P2RX1: variants seen among roughly 807,000 people sequenced by gnomAD.
P2RX1 encodes P2X purinoceptor 1.
P2RX1 carries 42 observed loss-of-function variants against 50.3 expected under a neutral mutation model. That is an observed-to-expected ratio of 0.83 (90% CI 0.65 to 1.08). P2RX1 has a LOEUF of 1.08. Ranked by LOEUF, P2RX1 falls within the 50% of genes least tolerant of loss-of-function variation. P2RX1 has a pLI of 0.00. For synonymous variants in P2RX1, 199 were observed against 202.6 expected, an observed-to-expected ratio of 0.98 and a Z score of 0.15; for missense variants, 449 against 529.0, an observed-to-expected ratio of 0.85 and a Z score of 1.48.
rs2056192472 is a variant in P2RX1, at chr17:3,903,494, A to G, written c.605+57T>C. On this transcript the variant is annotated intron_variant, in intron 6 of 11. Transcript: ENST00000225538. The surrounding 1 kb of genome is among the most constrained non-coding windows in gnomAD (Gnocchi z 4.6). ...ATGGAGGGAGACAGAGACAGCTGAG[A>G]GCTGCCGGAGCGGCCCCGGCCAGCT... 1 of 1,595,594 alleles carries G rather than the reference A, an allele frequency of 6.3e-7. No homozygotes were observed. Among genetic ancestry groups the G allele is most frequent in the Non-Finnish European group, 8.6e-7 (1 of 1,164,114 alleles).
Position 3,903,463 on chromosome 17 carries a change from G to A in P2RX1, c.605+88C>T. 6.3e-7 allele frequency: 1 copy of A among 1,591,040 alleles called. No homozygotes were observed. The highest frequency in any genetic ancestry group is 8.6e-7 in the Non-Finnish European group (1 of 1,161,380). On this transcript the variant is annotated intron_variant, in intron 6 of 11. Coordinates refer to ENST00000225538, the MANE Select transcript of P2RX1 (RefSeq NM_002558.4). The surrounding 1 kb of genome is among the most constrained non-coding windows in gnomAD (Gnocchi z 4.6). ...TGCCCCTTTGATTCCTTCCACGCCA[G>A]CAGGAATGGAGGGAGACAGAGACAG... is the stretch of plus-strand genomic sequence containing the variant.
Position 3,904,374 on chromosome 17 carries a change from T to A in P2RX1, c.383A>T (p.Glu128Val). 6.2e-7 allele frequency: 1 copy of A among 1,614,010 alleles called. No homozygotes were observed. Among genetic ancestry groups the A allele is most frequent in the Non-Finnish European group, 8.5e-7 (1 of 1,179,958 alleles). ...AEHPEGGICK[E>V]DSGCTPGKAK... ...CTTCCCAGGGGTACAGCCACTGTCT[T>A]CCTTGCATATGCCCCCTTCTGGGTG... The change falls in exon 4 of 12, where the codon GAA becomes GTA. Residue 128 changes from glutamate to valine, a missense_variant. Physicochemically the swap from Glu to Val is moderately radical, Grantham distance 121. Transcript: ENST00000225538.
At position 3,899,675 on chromosome 17, in the gene P2RX1, C is replaced by T; in HGVS notation, c.834G>A (p.Gly278=). 1 of 1,613,958 alleles carries T rather than the reference C, an allele frequency of 6.2e-7. No individual in the cohort carries two copies. Among genetic ancestry groups the T allele is most frequent in the Non-Finnish European group, 8.5e-7 (1 of 1,179,902 alleles). Residue 278 remains glycine, a synonymous_variant, in exon 8 of 12, where the codon GGG becomes GGA. Coordinates refer to ENST00000225538, the MANE Select transcript of P2RX1 (RefSeq NM_002558.4). ...RHCRPIYEFH[G]LYEEKNLSPG... ...GGGAGAGATTTTTCTCTTCGTACAGCCCATGGAACTCATAGATGGGTCTGC... is the reference window on the plus strand; with the variant it reads ...GGGAGAGATTTTTCTCTTCGTACAGTCCATGGAACTCATAGATGGGTCTGC...
At chr17:3,909,735 C>T (rs1340144522) in intron 1 of P2RX1, among the ~76,000 whole-genome samples, 2 of 152,154 alleles carry the variant, frequency 1.3e-5, no homozygotes, top group East Asian at 3.9e-4. Flanking sequence ...ATGCGCCAAA[C>T]ACTGTTGAAC....
chr17:3,915,599 C>A, intron 1 of P2RX1: 1 of 457,080 alleles, frequency 2.2e-6, no homozygotes, highest in Non-Finnish European at 4.4e-6. Context: ...GTGAGAGTTT[C>A]TCTGCTCCGG....
chr17:3,903,839 A>T lies in P2RX1; in HGVS notation c.524+89T>A. The T allele has an allele frequency of 7.9e-7, 1 of 1,261,500 alleles. No individual in the cohort carries two copies. Among genetic ancestry groups the T allele is most frequent in the African/African-American group, 1.5e-5 (1 of 68,032 alleles). The allele number at this position is 1,261,500 out of a possible 1,614,324, so 78.1% of individuals were successfully genotyped here. On this transcript the variant is annotated intron_variant, in intron 5 of 11. Coordinates refer to ENST00000225538, the MANE Select transcript of P2RX1 (RefSeq NM_002558.4). This position sits in a 1 kb window ranked among gnomAD's most constrained non-coding sequence, Gnocchi z 4.6. ...CGGATGGGGTGAGGGTGGGGTCAGA[A>T]AAAGGGGTAAAGATCCTTTCTAGAC...
chr17:3,903,428 G>C lies in P2RX1; in HGVS notation c.606-85C>G. ...CCCCAAAGCCTGGGGACCCCTCACA[G>C]GCTCCACATTGCCCCTTTGATTCCT... is the stretch of plus-strand genomic sequence containing the variant. On this transcript the variant is annotated intron_variant, in intron 6 of 11. Transcript: ENST00000225538. This position sits in a 1 kb window ranked among gnomAD's most constrained non-coding sequence, Gnocchi z 4.6. 6.3e-7 allele frequency: 1 copy of C among 1,597,034 alleles called. No individual in the cohort carries two copies. Among genetic ancestry groups the C allele is most frequent in the Non-Finnish European group, 8.6e-7 (1 of 1,167,558 alleles).
intron 1 of P2RX1, among the ~76,000 whole-genome samples, chr17:3,906,565 G>T (rs117242496): frequency 0.012 from 1,826 of 152,334 alleles, 21 homozygotes; most frequent in Middle Eastern, 0.02. Context: ...GACCCCCTGG[G>T]AGACAGCGAG....
intron 2 of P2RX1, 58 bp from the exon 3 acceptor site, chr17:3,904,987 A>C: frequency 7.7e-7 from 1 of 1,293,934 alleles, no homozygotes; most frequent in East Asian, 2.4e-5. Context: ...GAAGAGCCCC[A>C]AGGGCCCCAC....
intron 1 of P2RX1, among the ~76,000 whole-genome samples, chr17:3,907,328 T>TGTGTGTGTGTGTGTGTG (rs1555548651): frequency 4.0e-5 from 6 of 148,738 alleles, no homozygotes; most frequent in Non-Finnish European, 6.0e-5. Context: ...TGTGTGTGTG[T>TGTGTGTGTGTGTGTGTG]TGGGGTATGG....
intron 1 of P2RX1, chr17:3,915,748 G>A (rs1443939024): frequency 4.1e-6 from 2 of 492,324 alleles, no homozygotes; most frequent in Admixed American, 2.3e-5. Flanking sequence ...TTTGGCAGGC[G>A]GTCAGAGGTC....
chr17:3,904,096 G>T, intron 4 of P2RX1, 72 bp from the exon 5 acceptor site: 1 of 1,289,862 alleles, frequency 7.8e-7, no homozygotes, highest in Non-Finnish European at 1.1e-6. Flanking sequence ...TTCTCCAGGA[G>T]CTCCCAGTGA....
At chr17:3,904,107 CGG>C (rs1567652775) in intron 4 of P2RX1, 83 bp from the exon 5 acceptor site, 4 of 1,204,762 alleles carry the variant, frequency 3.3e-6, no homozygotes. Flanking sequence ...CTCCCAGTGA[CGG>C]GCCACTCAAG....
In P2RX1 at chr17:3,897,828, T is replaced by C. The variant is rs34617528; in HGVS notation, c.1186A>G (p.Met396Val). Reference sequence around the variant, plus strand: ...GGGCCCGAGCATCAGGATGTCCTCATGTTCTCCTGCAGGCCCAGGGTGGAG... The same window carrying C: ...GGGCCCGAGCATCAGGATGTCCTCACGTTCTCCTGCAGGCCCAGGGTGGAG... The part of the protein sequence containing the change: ...TSSTLGLQEN[M>V]RTS The change falls in exon 12 of 12, where the codon ATG becomes GTG. Residue 396 changes from methionine to valine, a missense_variant. Coordinates refer to ENST00000225538, the MANE Select transcript of P2RX1 (RefSeq NM_002558.4). 1,855 of 1,613,272 alleles carry C rather than the reference T, an allele frequency of 1.1e-3. 17 individuals are homozygous for C. In the African/African-American group the frequency reaches 0.021, roughly 19 times the overall value.
At chr17:3,911,720 C>G (rs61131602) in intron 1 of P2RX1, among the ~76,000 whole-genome samples, 1 of 152,226 alleles carries the variant, frequency 6.6e-6, no homozygotes. Flanking sequence ...CCTGCTCTCC[C>G]TTTCACAGCC....
intron 1 of P2RX1, among the ~76,000 whole-genome samples, chr17:3,909,970 C>CTTTTTTT (rs751349796): frequency 6.5e-5 from 7 of 107,422 alleles, no homozygotes; most frequent in Non-Finnish European, 9.4e-5. Flanking sequence ...CTGATAAATT[C>CTTTTTTT]TTTTTTTTTT....
chr17:3,912,066 A>G (rs1403346559), intron 1 of P2RX1, among the ~76,000 whole-genome samples: 1 of 152,216 alleles, frequency 6.6e-6, no homozygotes, highest in Non-Finnish European at 1.5e-5. Flanking sequence ...CACCACTGTG[A>G]AGACAGAGAA....
chr17:3,915,574 C>T lies in P2RX1; in HGVS notation c.137+515G>A, dbSNP rs550881668. ...CGCCTGACATGCCAACATGAAGGCA[C>T]CAGGTATTCAGAATGTGAGAGTTTC... On this transcript the variant is annotated intron_variant, in intron 1 of 11. Transcript: ENST00000225538. The T allele has an allele frequency of 6.2e-4, 281 of 456,758 alleles. 2 individuals carry two copies. Among genetic ancestry groups the T allele is most frequent in the Middle Eastern group, 2.0e-3 (6 of 3,076 alleles). 28.3% of individuals were successfully genotyped at this position (456,758 alleles called of 1,614,324 possible).
At chr17:3,899,886 A>G in intron 7 of P2RX1, 125 bp from the exon 8 acceptor site, 1 of 1,173,368 alleles carries the variant, frequency 8.5e-7, no homozygotes, top group Non-Finnish European at 1.3e-6. Context: ...GGATCACCTG[A>G]GGCCAGGAGT....
Sources: gnomAD v4.1 joint callset for allele counts (sites outside exome capture counted in the v4.1 genomes callset) on GRCh38, gnomAD v4.1.1 for gene constraint, Gnocchi (gnomAD v3.1) non-coding constraint, MANE v1.5 for transcripts, NCBI Gene and HGNC (gene_info 2026-07-23, HGNC 2026-07-21) for gene names.